ANXA8: variants seen among roughly 807,000 people sequenced by gnomAD.
ANXA8 encodes annexin A8, also known as VAC-beta.
In ANXA8, 9 loss-of-function variants were observed where a neutral mutation model predicts 26.8. The ratio of observed to expected loss-of-function variants is 0.34; its 90% confidence interval spans 0.20 to 0.59. The LOEUF is 0.59. Among genes scored for constraint, ANXA8 ranks in the 20% least tolerant of loss-of-function variants. ANXA8 has a pLI of 0.84. For synonymous variants in ANXA8, 39 were observed against 94.8 expected, an observed-to-expected ratio of 0.41 and a Z score of 3.42; for missense variants, 83 against 238.5, an observed-to-expected ratio of 0.35 and a Z score of 4.29.
chr10:47,760,986 G>A, the ANXA8 span: 1 of 1,507,998 alleles, frequency 6.6e-7, no homozygotes, highest in African/African-American at 1.4e-5. Flanking sequence ...TGGTCTCAGA[G>A]CGCTCAGCCA....
At chr10:47,621,868 A>G in the ANXA8 span, among the ~76,000 whole-genome samples, 4 of 97,426 alleles carry the variant, frequency 4.1e-5, no homozygotes, top group South Asian at 1.5e-3. Flanking sequence ...CTATATACAA[A>G]GTCTTCACAT....
the ANXA8 span, among the ~76,000 whole-genome samples, chr10:47,749,986 C>G: frequency 2.2e-3 from 333 of 152,074 alleles, 1 homozygote; most frequent in African/African-American, 7.6e-3. Flanking sequence ...AAGGTTCACT[C>G]TACCAGAAAA....
chr10:47,715,565 T>G, the ANXA8 span: 1 of 1,252,590 alleles, frequency 8.0e-7, no homozygotes, highest in African/African-American at 1.5e-5. Context: ...TCAACTGACT[T>G]AATCAGATCA....
chr10:47,946,392 G>C, the ANXA8 span, among the ~76,000 whole-genome samples: 2 of 150,572 alleles, frequency 1.3e-5, no homozygotes, highest in Non-Finnish European at 2.9e-5. Context: ...TTTAATCTCT[G>C]AGGTCACATC....
At chr10:47,705,733 A>G in the ANXA8 span, among the ~76,000 whole-genome samples, 15,759 of 148,020 alleles carry the variant, frequency 0.11, 7 homozygotes, top group African/African-American at 0.15. Flanking sequence ...AATAAAGTAT[A>G]TTCTAAAGTT....
chr10:47,702,282 C>T, the ANXA8 span, among the ~76,000 whole-genome samples: 26 of 150,488 alleles, frequency 1.7e-4, no homozygotes, highest in African/African-American at 2.2e-4. Context: ...CAGTTACTCC[C>T]CAGTAATAAT....
At chr10:47,936,836 G>T in the ANXA8 span, among the ~76,000 whole-genome samples, 278 of 151,638 alleles carry the variant, frequency 1.8e-3, no homozygotes, top group African/African-American at 6.1e-3. Flanking sequence ...CAGAACGCTT[G>T]TTCCTGAGAT....
the ANXA8 span, among the ~76,000 whole-genome samples, chr10:47,949,332 C>T: frequency 2.0e-5 from 3 of 149,456 alleles, no homozygotes; most frequent in East Asian, 6.3e-4. Flanking sequence ...CCACTGGATA[C>T]TCCTAATCAA....
the ANXA8 span, among the ~76,000 whole-genome samples, chr10:47,568,552 G>GTT: frequency 3.5e-4 from 8 of 23,144 alleles, 1 homozygote; most frequent in East Asian, 1.4e-3. Flanking sequence ...TATGAGTCTT[G>GTT]TTTTTTTTTT....
At chr10:47,670,653 T>C in the ANXA8 span, among the ~76,000 whole-genome samples, 73 of 152,054 alleles carry the variant, frequency 4.8e-4, no homozygotes, top group Middle Eastern at 3.4e-3. Context: ...TGGCCATTTG[T>C]ATATCTTCTT....
At chr10:47,585,263 C>CAAAAAAAAAAAAAAA in the ANXA8 span, among the ~76,000 whole-genome samples, 3 of 43,582 alleles carry the variant, frequency 6.9e-5, no homozygotes, top group Non-Finnish European at 6.7e-5. Flanking sequence ...GACTCCATCT[C>CAAAAAAAAAAAAAAA]AAAAAAAAAA....
chr10:47,552,338 T>G, the ANXA8 span, among the ~76,000 whole-genome samples: 2 of 151,100 alleles, frequency 1.3e-5, no homozygotes, highest in African/African-American at 4.9e-5. Context: ...TTAATTTCAT[T>G]CTAACTCTAA....
At chr10:47,972,964 T>C in the ANXA8 span, among the ~76,000 whole-genome samples, 1 of 149,862 alleles carries the variant, frequency 6.7e-6, no homozygotes. Context: ...TGGGATGTGC[T>C]CCTTCCTGCT....
At chr10:47,490,064 C>A in the ANXA8 span, among the ~76,000 whole-genome samples, 3 of 150,062 alleles carry the variant, frequency 2.0e-5, no homozygotes, top group African/African-American at 7.5e-5. Context: ...ACATGAAGCC[C>A]AGGCTGGGCC....
the ANXA8 span, among the ~76,000 whole-genome samples, chr10:47,615,229 G>A: frequency 2.7e-5 from 2 of 73,784 alleles, 1 homozygote; most frequent in Admixed American, 2.9e-4. Context: ...AATTGCAATC[G>A]TCATGTGTAG....
chr10:47,667,004 A>T, the ANXA8 span, among the ~76,000 whole-genome samples: 4 of 152,030 alleles, frequency 2.6e-5, no homozygotes, highest in African/African-American at 9.7e-5. Context: ...TTTTCTTTCA[A>T]ATTTCCCATT....
At chr10:47,676,726 T>C in the ANXA8 span, among the ~76,000 whole-genome samples, 1 of 151,294 alleles carries the variant, frequency 6.6e-6, no homozygotes, top group Non-Finnish European at 1.5e-5. Flanking sequence ...GAGACCATCC[T>C]GGCCAACATG....
At chr10:47,743,283 C>CACATATATATATATATAT in the ANXA8 span, among the ~76,000 whole-genome samples, 5 of 81,972 alleles carry the variant, frequency 6.1e-5, no homozygotes, top group East Asian at 9.1e-4. Flanking sequence ...TATATACACA[C>CACATATATATATATATAT]ATATATATAT....
At chr10:47,696,444 C>T in the ANXA8 span, 3 of 1,363,564 alleles carry the variant, frequency 2.2e-6, no homozygotes, top group Non-Finnish European at 3.0e-6. Flanking sequence ...TGAGACAGTA[C>T]TACAATCAAC....
Sources: gnomAD v4.1 joint callset for allele counts (sites outside exome capture counted in the v4.1 genomes callset) on GRCh38, gnomAD v4.1.1 for gene constraint, MANE v1.5 for transcripts, NCBI Gene and HGNC (gene_info 2026-07-23, HGNC 2026-07-21) for gene names.